TCF4: variants seen among roughly 807,000 people sequenced by gnomAD.
TCF4 encodes transcription factor 4.
In TCF4, 3 loss-of-function variants were observed where a neutral mutation model predicts 82.1. That is an observed-to-expected ratio of 0.04 (90% confidence interval 0.02 to 0.09). TCF4 has a LOEUF of 0.09. TCF4 is among the 10% of genes least tolerant of loss of function. The pLI is 1.00. For synonymous variants in TCF4, 276 were observed against 309.6 expected (o/e 0.89, Z 1.14); for missense variants, 518 against 852.7 (o/e 0.61, Z 4.89).
chr18:55,560,487 A>C (rs2097345589), intron 3 of TCF4, among the ~76,000 whole-genome samples: 1 of 152,216 alleles, frequency 6.6e-6, no homozygotes, highest in African/African-American at 2.4e-5. Flanking sequence ...CTTACAAATG[A>C]GGAAATTCTA....
chr18:55,555,238 A>C (rs1344229076), intron 3 of TCF4, among the ~76,000 whole-genome samples: 1 of 152,176 alleles, frequency 6.6e-6, no homozygotes, highest in Non-Finnish European at 1.5e-5. Context: ...AACCTGTAAA[A>C]ATGTGAAAAT....
In TCF4 at chr18:55,553,635, G is replaced by A. The variant is rs142556299; in HGVS notation, c.145+31645C>T. Among the ~76,000 whole-genome samples the A allele has an allele frequency of 2.0e-3, 312 of 152,288 alleles. 2 individuals carry two copies. Among genetic ancestry groups the A allele is most frequent in the Non-Finnish European group, 3.2e-3 (219 of 68,006 alleles). On this transcript the variant is annotated intron_variant, in intron 3 of 19. Coordinates refer to ENST00000354452, the MANE Select transcript of TCF4 (RefSeq NM_001083962.2). Reference sequence around the variant, plus strand: ...TGGGTGGTAAAGTTTACGAAGCTCAGCAGTCTGTCTTGAACACAGCAGATC... The same window carrying A: ...TGGGTGGTAAAGTTTACGAAGCTCAACAGTCTGTCTTGAACACAGCAGATC...
intron 3 of TCF4, among the ~76,000 whole-genome samples, chr18:55,509,687 T>TA (rs959752939): frequency 7.2e-5 from 11 of 152,202 alleles, no homozygotes; most frequent in African/African-American, 2.7e-4. Flanking sequence ...TTGCCTCTAA[T>TA]AAGTTAATAT....
At chr18:55,368,509 AAAAAAAAC>A (rs1418065887) in intron 6 of TCF4, among the ~76,000 whole-genome samples, 13 of 151,962 alleles carry the variant, frequency 8.6e-5, no homozygotes, top group African/African-American at 3.1e-4. Flanking sequence ...TGGTCTTCTT[AAAAAAAAC>A]AAAAAAACAA....
At chr18:55,260,177 T>C in intron 12 of TCF4, 150 bp from the exon 13 acceptor site, 1 of 673,246 alleles carries the variant, frequency 1.5e-6, no homozygotes, top group Non-Finnish European at 2.6e-6. Flanking sequence ...AATTGTCAAA[T>C]GAAGAACTTA....
chr18:55,236,918 C>G (rs910166515), intron 15 of TCF4, among the ~76,000 whole-genome samples: 2 of 152,110 alleles, frequency 1.3e-5, no homozygotes, highest in African/African-American at 4.8e-5. Flanking sequence ...AAGTGTACTC[C>G]TATTTCAGAA....
chr18:55,322,439 A>AC (rs992448036), intron 8 of TCF4: 21 of 1,008,126 alleles, frequency 2.1e-5, no homozygotes, highest in East Asian at 7.1e-5. Flanking sequence ...AAAAAAAAAA[A>AC]AAAAAAAAAA....
intron 6 of TCF4, among the ~76,000 whole-genome samples, chr18:55,385,598 A>G (rs947011599): frequency 2.6e-5 from 4 of 152,076 alleles, no homozygotes; most frequent in Non-Finnish European, 4.4e-5. Context: ...ATGGGGTTTC[A>G]CTATGCTGGC....
At chr18:55,423,616 A>C (rs938595493) in intron 5 of TCF4, 1 of 152,270 alleles carries the variant, frequency 6.6e-6, no homozygotes, top group Non-Finnish European at 1.5e-5. Context: ...AAGTAAAAAA[A>C]GAAAAACAAC....
chr18:55,590,236 C>T (rs903384665), upstream of TCF4, among the ~76,000 whole-genome samples: 2 of 152,210 alleles, frequency 1.3e-5, no homozygotes, highest in Non-Finnish European at 2.9e-5. Flanking sequence ...CCTGGGTTCT[C>T]CCACTGTGTG....
At chr18:55,313,094 G>A (rs2073062355) in intron 8 of TCF4, among the ~76,000 whole-genome samples, 1 of 152,022 alleles carries the variant, frequency 6.6e-6, no homozygotes, top group Admixed American at 6.6e-5. Flanking sequence ...AATAAAATCA[G>A]GCTCCCATTT....
chr18:55,366,351 C>T (rs1478688748), intron 6 of TCF4, among the ~76,000 whole-genome samples: 1 of 152,164 alleles, frequency 6.6e-6, no homozygotes, highest in Non-Finnish European at 1.5e-5. Context: ...TGTATCTATT[C>T]ATATGTTTTG....
At chr18:55,307,806 T>G (rs1374138957) in intron 8 of TCF4, among the ~76,000 whole-genome samples, 1 of 152,194 alleles carries the variant, frequency 6.6e-6, no homozygotes, top group Non-Finnish European at 1.5e-5. Context: ...CATCTGCCAG[T>G]CTGTGTCACC....
At chr18:55,608,840 C>A (rs1253740476) in intron 2 of TCF4, among the ~76,000 whole-genome samples, 6 of 151,954 alleles carry the variant, frequency 3.9e-5, no homozygotes, top group Non-Finnish European at 5.9e-5. Flanking sequence ...TATACAAATG[C>A]CAGTAGCTAA....
chr18:55,422,075 G>T, intron 5 of TCF4: 1 of 560,272 alleles, frequency 1.8e-6, no homozygotes, highest in Non-Finnish European at 2.2e-6. Context: ...AAACCACAAA[G>T]GGAATAGATT....
rs2052310677 is a variant in TCF4 at position 55,244,244 on chromosome 18, A to G, written c.1351-9561T>C. ...AGACTGCTTCGGTACGGGTCTTGCC[A>G]AGTCGGGTCTCTTTTCCCCCTTTCC... On this transcript the variant is annotated intron_variant, in intron 15 of 19. Transcript: ENST00000354452. Among the ~76,000 whole-genome samples, 3 of 152,120 alleles carry G rather than the reference A, an allele frequency of 2.0e-5. No individual in the cohort carries two copies. The South Asian group carries it at 6.2e-4, about 32-fold the overall frequency.
chr18:55,540,605 A>G (rs2097157377), intron 3 of TCF4, among the ~76,000 whole-genome samples: 1 of 152,106 alleles, frequency 6.6e-6, no homozygotes, highest in South Asian at 2.1e-4. Context: ...AAAAAATAAG[A>G]GAAATTCCTG....
At chr18:55,549,292 C>G (rs2097237038) in intron 3 of TCF4, among the ~76,000 whole-genome samples, 1 of 151,784 alleles carries the variant, frequency 6.6e-6, no homozygotes, top group African/African-American at 2.4e-5. Flanking sequence ...CAGAGTGACC[C>G]TGTCTCAAAA....
intron 3 of TCF4, among the ~76,000 whole-genome samples, chr18:55,519,441 G>GAAAAAAAAAAAA (rs35885107): frequency 1.0e-5 from 1 of 96,012 alleles, no homozygotes; most frequent in African/African-American, 4.0e-5. Flanking sequence ...CTCAAAAAAA[G>GAAAAAAAAAAAA]AAAAAAAAAA....
Sources: allele counts gnomAD v4.1 joint callset (sites outside exome capture counted in the v4.1 genomes callset), GRCh38; gene constraint gnomAD v4.1.1; transcripts MANE v1.5; gene names NCBI Gene and HGNC (gene_info 2026-07-23, HGNC 2026-07-21).